HMGA2: variants seen among roughly 807,000 people sequenced by gnomAD.
The protein encoded by HMGA2 is high mobility group AT-hook 2.
HMGA2 carries 8 observed loss-of-function variants against 19.1 expected under a neutral mutation model. The ratio of observed to expected loss-of-function variants is 0.42; its 90% confidence interval spans 0.25 to 0.76. The LOEUF (loss-of-function observed/expected upper bound fraction) is 0.76, where lower values mean the gene tolerates loss of function less well. HMGA2 is among the 30% of genes least tolerant of loss of function. The probability of loss-of-function intolerance (pLI) is 0.28; values close to 1 mark genes in which losing one functional copy is unlikely to be tolerated. For synonymous variants in HMGA2, 60 were observed against 48.8 expected (o/e 1.23, Z -0.96); for missense variants, 109 against 136.3 (o/e 0.80, Z 1.00).
chr12:65,961,472 GT>G (rs1876747998), intron 4 of HMGA2, among the ~76,000 whole-genome samples: 1 of 152,146 alleles, frequency 6.6e-6, no homozygotes. Context: ...GAAGCCCACA[GT>G]TTGGGGGTTG....
At chr12:65,960,614 C>A (rs1328096443) in intron 4 of HMGA2, among the ~76,000 whole-genome samples, 1 of 152,186 alleles carries the variant, frequency 6.6e-6, no homozygotes, top group Non-Finnish European at 1.5e-5. Context: ...GAAGAGAGAG[C>A]TCTCCACTAA....
At chr12:65,847,864 G>C (rs1454487176) in intron 3 of HMGA2, among the ~76,000 whole-genome samples, 1 of 152,078 alleles carries the variant, frequency 6.6e-6, no homozygotes, top group Non-Finnish European at 1.5e-5. Context: ...TGTGTATAAA[G>C]GATGGCCTTT....
At chr12:65,833,855 G>A (rs2120851399) in intron 2 of HMGA2, among the ~76,000 whole-genome samples, 1 of 152,218 alleles carries the variant, frequency 6.6e-6, no homozygotes, top group South Asian at 2.1e-4. Context: ...GATAATGCTT[G>A]GAAAGTCACT....
intron 3 of HMGA2, among the ~76,000 whole-genome samples, chr12:65,860,818 A>G (rs1202695400): frequency 6.6e-6 from 1 of 152,238 alleles, no homozygotes; most frequent in Non-Finnish European, 1.5e-5. Context: ...TATAAGTGAC[A>G]TTAGCACTGC....
chr12:65,842,709 G>A lies in HMGA2; in HGVS notation c.249+4140G>A, dbSNP rs1871053746. 20 of 1,479,778 alleles carry A rather than the reference G, an allele frequency of 1.4e-5. No individual in the cohort carries two copies. In the South Asian group the frequency reaches 1.4e-4, roughly 10 times the overall value. 91.7% of individuals were successfully genotyped at this position (1,479,778 alleles called of 1,614,324 possible). A position where few individuals can be genotyped will look rare whatever the true frequency, so the allele number is the denominator to read the frequency against. ...CTGTTTGCCTCAAGATGTACATACA[G>A]AGATGTGCTGATTCTCAGAACTTCT... On this transcript the variant is annotated intron_variant, in intron 3 of 4. Transcript: ENST00000403681.
chr12:65,827,709 T>C (rs1870277168), intron 1 of HMGA2, among the ~76,000 whole-genome samples: 1 of 152,276 alleles, frequency 6.6e-6, no homozygotes, highest in African/African-American at 2.4e-5. Context: ...CTTAAAAGTA[T>C]ATGACTTTCT....
rs141493039 is a variant in HMGA2, at chr12:65,871,654, C to T, written c.249+33085C>T. Among the ~76,000 whole-genome samples the T allele has an allele frequency of 3.1e-3, 471 of 152,222 alleles. 2 individuals carry two copies. The highest frequency in any genetic ancestry group is 0.011 in the African/African-American group (437 of 41,546). ...CCTTCCTATGGGGATTCTGAAGGTGCGGTTTTCCCTCTAGGTGAGAGAACT... is the reference window on the plus strand; with the variant it reads ...CCTTCCTATGGGGATTCTGAAGGTGTGGTTTTCCCTCTAGGTGAGAGAACT... On this transcript the variant is annotated intron_variant, in intron 3 of 4. Coordinates refer to ENST00000403681, the MANE Select transcript of HMGA2 (RefSeq NM_003483.6).
intron 3 of HMGA2, among the ~76,000 whole-genome samples, chr12:65,920,441 A>G (rs1212703514): frequency 6.6e-6 from 1 of 152,174 alleles, no homozygotes; most frequent in Non-Finnish European, 1.5e-5. Context: ...TAGAATGCGT[A>G]TTTTAGGTGC....
intron 3 of HMGA2, among the ~76,000 whole-genome samples, chr12:65,905,562 C>G (rs927130818): frequency 3.3e-5 from 5 of 152,192 alleles, no homozygotes; most frequent in African/African-American, 1.2e-4. Context: ...TGTGTGGACA[C>G]TAACTCCACA....
At chr12:65,833,905 T>C (rs1440594220) in intron 2 of HMGA2, among the ~76,000 whole-genome samples, 2 of 152,174 alleles carry the variant, frequency 1.3e-5, no homozygotes, top group African/African-American at 4.8e-5. Flanking sequence ...TATTTGTGGG[T>C]AGCATTTTAA....
rs577631415 is a variant in HMGA2, at chr12:65,929,861, G to C, written c.250-21522G>C. On this transcript the variant is annotated intron_variant, in intron 3 of 4. Coordinates refer to ENST00000403681, the MANE Select transcript of HMGA2 (RefSeq NM_003483.6). ...TTGCCCTTACCGAGATAAAATCACT[G>C]ATAAGTTGAATGCATTTTTGTAATG... 1.4e-4 allele frequency among the ~76,000 whole-genome samples: 22 copies of C among 152,224 alleles called. No homozygotes were observed. The East Asian group carries it at 3.9e-3, about 27-fold the overall frequency.
chr12:65,860,085 C>A (rs1347243107), intron 3 of HMGA2: 5 of 443,726 alleles, frequency 1.1e-5, no homozygotes, highest in South Asian at 7.9e-5. Flanking sequence ...GAGCAAGACT[C>A]TGTCTGAAAA....
At position 65,921,741 on chromosome 12, in the gene HMGA2, C is replaced by G. The variant is rs1011158515; in HGVS notation, c.250-29642C>G. Among the ~76,000 whole-genome samples the G allele has an allele frequency of 3.3e-4, 50 of 152,222 alleles. 1 individual carries two copies. Among genetic ancestry groups the G allele is most frequent in the Non-Finnish European group, 3.5e-4 (24 of 68,034 alleles). ...AATGTCTCCAGACCATGTCAGAGACCTTCACGGCAGCCCCTCCCATCACAG... is the reference window on the plus strand; with the variant it reads ...AATGTCTCCAGACCATGTCAGAGACGTTCACGGCAGCCCCTCCCATCACAG... On this transcript the variant is annotated intron_variant, in intron 3 of 4. Coordinates refer to ENST00000403681, the MANE Select transcript of HMGA2 (RefSeq NM_003483.6).
intron 3 of HMGA2, among the ~76,000 whole-genome samples, chr12:65,912,304 A>C (rs2121215287): frequency 6.6e-6 from 1 of 152,310 alleles, no homozygotes; most frequent in East Asian, 1.9e-4. Flanking sequence ...CACAGCTTTA[A>C]AAATTTTCAG....
chr12:65,930,554 G>A lies in HMGA2; in HGVS notation c.250-20829G>A, dbSNP rs1201799421. Among the ~76,000 whole-genome samples, 14 of 152,288 alleles carry A rather than the reference G, an allele frequency of 9.2e-5. No individual in the cohort carries two copies. The East Asian group carries it at 1.5e-3, about 17-fold the overall frequency. On this transcript the variant is annotated intron_variant, in intron 3 of 4. Coordinates refer to ENST00000403681, the MANE Select transcript of HMGA2 (RefSeq NM_003483.6). ...ATATTTGGTGGGAAAATGGACACCG[G>A]CCTCTTTTGCTTTTTGTCTGCTGCT... is the stretch of plus-strand genomic sequence containing the variant.
chr12:65,953,308 C>T (rs1178608027), intron 4 of HMGA2: 1 of 152,156 alleles, frequency 6.6e-6, no homozygotes, highest in African/African-American at 2.4e-5. Context: ...GTGTATGGGA[C>T]ACACGGGGGA....
chr12:65,833,117 T>C (rs953444015), intron 2 of HMGA2, among the ~76,000 whole-genome samples: 2 of 152,062 alleles, frequency 1.3e-5, no homozygotes, highest in African/African-American at 2.4e-5. Flanking sequence ...TTGGAAAATA[T>C]ATTGTGATAG....
intron 3 of HMGA2, chr12:65,867,492 C>G (rs1360870456): frequency 2.2e-6 from 1 of 455,262 alleles, no homozygotes; most frequent in Non-Finnish European, 4.4e-6. Context: ...GTTTAAGCTA[C>G]AGAACTAATT....
intron 3 of HMGA2, chr12:65,915,045 T>C (rs1294934625): frequency 6.2e-7 from 1 of 1,613,476 alleles, no homozygotes. Context: ...CCCATCCTGA[T>C]GTCATATCCA....
Sources: gnomAD v4.1 joint callset for allele counts (sites outside exome capture counted in the v4.1 genomes callset) on GRCh38, gnomAD v4.1.1 for gene constraint, MANE v1.5 for transcripts, NCBI Gene and HGNC (gene_info 2026-07-23, HGNC 2026-07-21) for gene names.